SLC27A5: variants seen among roughly 807,000 people sequenced by gnomAD.
SLC27A5 encodes the protein solute carrier family 27 member 5.
In SLC27A5, 47 loss-of-function variants were observed where a neutral mutation model predicts 63.1. The observed-to-expected ratio is 0.74, with a 90% CI of 0.59 to 0.95. The LOEUF is 0.95. Among genes scored for constraint, SLC27A5 ranks in the 40% least tolerant of loss-of-function variants. The probability of loss-of-function intolerance (pLI) is 0.00; values close to 1 mark genes in which losing one functional copy is unlikely to be tolerated. For synonymous variants in SLC27A5, 391 were observed against 403.8 expected, an observed-to-expected ratio of 0.97 and a Z score of 0.38; for missense variants, 940 against 921.0, an observed-to-expected ratio of 1.02 and a Z score of -0.27.
At chr19:58,507,314 T>G (rs1351951516) in intron 3 of SLC27A5, 3 of 152,568 alleles carry the variant, frequency 2.0e-5, no homozygotes, top group African/African-American at 7.2e-5. Flanking sequence ...CAGGGACCCC[T>G]AACAGACGGA....
rs1187232064 is a variant in SLC27A5, at chr19:58,499,633, C to G, written c.1526G>C (p.Arg509Pro). The change falls in exon 7 of 10, where the codon CGC becomes CCC. Residue 509 changes from arginine (R) to proline (P), a missense_variant. Transcript: ENST00000263093. ...VVSQQPFVGY[R>P]GPRELSERKL... is the part of the protein sequence containing the mutation. ...CCGTTCCGACAGCTCTCGGGGGCCG[C>G]GGTAGCCCACGAAGGGTTGCTGGCT... 1.9e-6 allele frequency: 3 copies of G among 1,612,602 alleles called. No individual in the cohort carries two copies. In the Admixed American group the frequency reaches 5.0e-5, roughly 27 times the overall value.
chr19:58,498,668 C>T lies in SLC27A5; in HGVS notation c.1920G>A (p.Thr640=). ...CCAACCGGGTCTTCATCAGTTTGAACGTGCTGGTGACCTCCATGGCGTCCT... is the reference window on the plus strand; with the variant it reads ...CCAACCGGGTCTTCATCAGTTTGAATGTGCTGGTGACCTCCATGGCGTCCT... ...RIQDAMEVTS[T]FKLMKTRLVR... is the part of the protein sequence containing the mutation. Residue 640 remains threonine, a synonymous_variant, in exon 10 of 10, where the codon ACG becomes ACA. Transcript: ENST00000263093. 1 of 1,614,044 alleles carries T rather than the reference C, an allele frequency of 6.2e-7. No individual in the cohort carries two copies. The highest frequency in any genetic ancestry group is 2.2e-5 in the East Asian group (1 of 44,886).
Position 58,498,373 on chromosome 19 carries a change from G to A in SLC27A5, c.*142C>T. On this transcript the variant is annotated 3_prime_UTR_variant, in exon 10 of 10. Coordinates refer to ENST00000263093, the MANE Select transcript of SLC27A5 (RefSeq NM_012254.3). ...TGAGTTTATTCTGCCACTGCTACAG[G>A]GCCCACTGTCATTTCCAGCCCACTG... The A allele has an allele frequency of 1.3e-6, 1 of 779,702 alleles. No homozygotes were observed. Among genetic ancestry groups the A allele is most frequent in the South Asian group, 1.8e-5 (1 of 54,318 alleles). The allele number at this position is 779,702 out of a possible 1,614,324, so 48.3% of individuals were successfully genotyped here. A position where few individuals can be genotyped will look rare whatever the true frequency, so the allele number is the denominator to read the frequency against.
chr19:58,511,304 GCA>G lies in SLC27A5; in HGVS notation c.650_651del (p.Val217AlafsTer28). ...HGRGMPLAHS[V>X]LSSGARVLVV... is the part of the protein sequence containing the mutation. ...ACCAGCACCCGGGCCCCAGAGCTCA[GCA>G]CAGAGTGCGCCAGGGGCATCCCCCG... On this transcript the variant is annotated frameshift_variant, in exon 1 of 10. Transcript: ENST00000263093. LOFTEE classifies it high-confidence loss of function. The G allele has an allele frequency of 1.3e-6, 2 of 1,580,006 alleles. No homozygotes were observed. Among genetic ancestry groups the G allele is most frequent in the South Asian group, 2.3e-5 (2 of 87,582 alleles).
chr19:58,498,463 TG>T lies in SLC27A5; in HGVS notation c.*51del. 1.3e-6 allele frequency: 2 copies of T among 1,545,726 alleles called. No individual in the cohort carries two copies. Among genetic ancestry groups the T allele is most frequent in the Non-Finnish European group, 1.8e-6 (2 of 1,138,248 alleles). On this transcript the variant is annotated 3_prime_UTR_variant, in exon 10 of 10. Transcript: ENST00000263093. The stretch of plus-strand genomic sequence containing the variant: ...AGGATGAAAGGGACACCGAGTGTGT[TG>T]GGGTGGGGGTGGCTGGCTTTGATCC...
chr19:58,510,846 G>T lies in SLC27A5; in HGVS notation c.773C>A (p.Thr258Lys), dbSNP rs530755796. 6.2e-7 allele frequency: 1 copy of T among 1,613,378 alleles called. No individual in the cohort carries two copies. Among genetic ancestry groups the T allele is most frequent in the South Asian group, 1.1e-5 (1 of 90,864 alleles). ...AGCCCCCAGAGCCCCCACCCCTGGT[G>T]TAGGGGAGGTATGGCTGAGGTAGAA... ...RCFYLSHTSP[T>K]PGVGALGAAL... The change falls in exon 2 of 10, where the codon ACA becomes AAA. Residue 258 changes from threonine to lysine, a missense_variant. By Grantham distance (78) the Thr-to-Lys change is moderately conservative. Coordinates refer to ENST00000263093, the MANE Select transcript of SLC27A5 (RefSeq NM_012254.3).
intron 1 of SLC27A5, 45 bp downstream of exon 1, chr19:58,511,223 C>T (rs2053406628): frequency 6.7e-7 from 1 of 1,501,500 alleles, no homozygotes; most frequent in Non-Finnish European, 8.9e-7. Context: ...CCTATAGTCC[C>T]TGCCCTTGCC....
intron 4 of SLC27A5, chr19:58,501,052 T>C: frequency 8.2e-7 from 1 of 1,212,274 alleles, no homozygotes; most frequent in Non-Finnish European, 1.1e-6. Flanking sequence ...ATTCTCATGA[T>C]AGGGGTAGGG....
At chr19:58,501,217 T>C (rs1319789950) in intron 4 of SLC27A5, 69 bp downstream of exon 4, 3 of 1,566,494 alleles carry the variant, frequency 1.9e-6, no homozygotes, top group African/African-American at 1.4e-5. Context: ...CCTGAATCTT[T>C]ACCTGAGACC....
chr19:58,498,871 C>T lies in SLC27A5; in HGVS notation c.1810G>A (p.Gly604Ser), dbSNP rs771011342. 7.4e-6 allele frequency: 12 copies of T among 1,613,606 alleles called. No individual in the cohort carries two copies. The highest frequency in any genetic ancestry group is 6.8e-6 in the Non-Finnish European group (8 of 1,180,026). ...VGMAAVQLAP[G>S]QTFDGEKLYQ... ...AACTTCTCCCCGTCGAAAGTCTGGC[C>T]GGGGGCTAGCTGCACAGCAGCCATG... Residue 604 changes from glycine (G) to serine (S), a missense_variant, in exon 9 of 10, where the codon GGC (glycine) becomes AGC (serine). Physicochemically the swap from Gly to Ser is moderately conservative, Grantham distance 56. Transcript: ENST00000263093.
In SLC27A5 at chr19:58,511,892, G is replaced by A; in HGVS notation, c.64C>T (p.Gln22Ter). The A allele has an allele frequency of 6.5e-7, 1 of 1,549,092 alleles. No homozygotes were observed. The highest frequency in any genetic ancestry group is 8.7e-7 in the Non-Finnish European group (1 of 1,146,934). Residue 22 changes from glutamine (Q) to a stop codon, truncating the protein, a stop_gained, in exon 1 of 10, where the codon CAG becomes TAG. Transcript: ENST00000263093. LOFTEE classifies it high-confidence loss of function. ...LLLLLLWGLGQPVWPVAVALT... is the reference protein window; with the variant it reads ...LLLLLLWGLG Reference sequence around the variant, plus strand: ...GCCACAGCGACTGGCCACACTGGCTGCCCCAGGCCCCAGAGCAGGAGCAGC... The same window carrying A: ...GCCACAGCGACTGGCCACACTGGCTACCCCAGGCCCCAGAGCAGGAGCAGC...
At chr19:58,502,865 G>A (rs965716620) in intron 3 of SLC27A5, among the ~76,000 whole-genome samples, 1 of 152,088 alleles carries the variant, frequency 6.6e-6, no homozygotes, top group Non-Finnish European at 1.5e-5. Context: ...AGTAGTGAGT[G>A]AGTAGATGGA....
At position 58,498,408 on chromosome 19, in the gene SLC27A5, G is replaced by A. The variant is rs2053233141; in HGVS notation, c.*107C>T. 8.6e-7 allele frequency: 1 copy of A among 1,167,894 alleles called. No individual in the cohort carries two copies. The allele number at this position is 1,167,894 out of a possible 1,614,324, so 72.3% of individuals were successfully genotyped here. A position where few individuals can be genotyped will look rare whatever the true frequency, so the allele number is the denominator to read the frequency against. On this transcript the variant is annotated 3_prime_UTR_variant, in exon 10 of 10. Transcript: ENST00000263093. ...CATTTCCAGCCCACTGAGGTTGAGG[G>A]TATGGCCAGGCTGGGATTCACACAG...
In SLC27A5 at chr19:58,499,508, G is replaced by GGCGGTCGCGGAAGTAGAGGAA; in HGVS notation, c.1630_1650dup (p.Phe544_Arg550dup). 6.2e-7 allele frequency: 1 copy of GGCGGTCGCGGAAGTAGAGGAA among 1,613,100 alleles called. No individual in the cohort carries two copies. Among genetic ancestry groups the GGCGGTCGCGGAAGTAGAGGAA allele is most frequent in the Non-Finnish European group, 8.5e-7 (1 of 1,180,024 alleles). Reference sequence around the variant, plus strand: ...GCCTCGGACCGGAAGGTGTCCCCGAGGCGGTCGCGGAAGTAGAGGAAGCCT... The same window carrying GGCGGTCGCGGAAGTAGAGGAA: ...GCCTCGGACCGGAAGGTGTCCCCGAGGCGGTCGCGGAAGTAGAGGAAGCGGTCGCGGAAGTAGAGGAAGCCT... On this transcript the variant is annotated inframe_insertion, in exon 7 of 10. Coordinates refer to ENST00000263093, the MANE Select transcript of SLC27A5 (RefSeq NM_012254.3).
chr19:58,498,948 C>G (rs1365904307), intron 8 of SLC27A5, 33 bp from the exon 9 acceptor site: 27 of 1,601,270 alleles, frequency 1.7e-5, no homozygotes, highest in Non-Finnish European at 2.1e-5. Context: ...TCGGCTGACC[C>G]ATCTCGAGGG....
intron 3 of SLC27A5, among the ~76,000 whole-genome samples, chr19:58,503,293 G>C (rs898147466): frequency 2.0e-5 from 3 of 151,964 alleles, no homozygotes; most frequent in Admixed American, 6.6e-5. Flanking sequence ...GAGTGAGGAA[G>C]TAGGTGAGTA....
At position 58,501,196 on chromosome 19, in the gene SLC27A5, T is replaced by C. The variant is rs2053269467; in HGVS notation, c.1182+90A>G. The C allele has an allele frequency of 6.6e-6, 10 of 1,504,682 alleles. No individual in the cohort carries two copies. The Middle Eastern group carries it at 1.1e-3, about 160-fold the overall frequency. The allele number at this position is 1,504,682 out of a possible 1,614,324, so 93.2% of individuals were successfully genotyped here. The stretch of plus-strand genomic sequence containing the variant: ...CATGAGGTGTATTATCTGAGGGACT[T>C]GAGTTCAGTACCTGAATCTTTACCT... On this transcript the variant is annotated intron_variant, in intron 4 of 9. Transcript: ENST00000263093.
intron 3 of SLC27A5, chr19:58,507,636 G>A (rs1239335260): frequency 6.6e-6 from 1 of 152,204 alleles, no homozygotes; most frequent in Non-Finnish European, 1.5e-5. Context: ...TGGGCAAAAA[G>A]AGCCATATTT....
Position 58,500,083 on chromosome 19 carries a change from G to C in SLC27A5, c.1468+256C>G, listed in dbSNP as rs575654738. On this transcript the variant is annotated intron_variant, in intron 6 of 9. Coordinates refer to ENST00000263093, the MANE Select transcript of SLC27A5 (RefSeq NM_012254.3). ...GCCGTCTTCCACAGAAAGCTCAAGA[G>C]AACAAATCAGATGGACACCCAGAGA... is the stretch of plus-strand genomic sequence containing the variant. Among the ~76,000 whole-genome samples the C allele has an allele frequency of 3.3e-5, 5 of 152,092 alleles. No homozygotes were observed. In the South Asian group the frequency reaches 1.0e-3, roughly 32 times the overall value.
Sources: gnomAD v4.1 joint callset for allele counts (sites outside exome capture counted in the v4.1 genomes callset) on GRCh38, gnomAD v4.1.1 for gene constraint, MANE v1.5 for transcripts, NCBI Gene and HGNC (gene_info 2026-07-23, HGNC 2026-07-21) for gene names.